The following MAL variants were observed in gnomAD, a reference collection of about 807,000 sequenced individuals.
The protein encoded by MAL is myelin and lymphocyte protein.
Under a neutral mutation model 16.7 loss-of-function variants are expected in MAL, and 5 were observed. The ratio of observed to expected loss-of-function variants is 0.30; its 90% CI spans 0.16 to 0.63. MAL has a LOEUF of 0.63. Among genes scored for constraint, MAL ranks in the 30% least tolerant of loss-of-function variants. The pLI, the probability that MAL is intolerant of heterozygous loss-of-function variation, is 0.82. For missense variants in MAL, 202 were observed against 195.8 expected (o/e 1.03, Z -0.19); for synonymous variants, 96 against 85.5 (o/e 1.12, Z -0.67).
intron 1 of MAL, among the ~76,000 whole-genome samples, chr2:95,042,999 C>A (rs376353761): frequency 1.3e-5 from 2 of 152,236 alleles, no homozygotes; most frequent in African/African-American, 4.8e-5. Flanking sequence ...TTGCACACAG[C>A]GGGGCTGGAG....
intron 2 of MAL, 138 bp from the exon 3 acceptor site, chr2:95,049,443 T>G: frequency 3.6e-6 from 4 of 1,123,836 alleles, no homozygotes; most frequent in Non-Finnish European, 5.1e-6. Context: ...GCATGGGACC[T>G]CCGTGACAAG....
rs989271015 is a variant in MAL at position 95,026,689 on chromosome 2, G to C, written c.93+804G>C. On this transcript the variant is annotated intron_variant, in intron 1 of 3. Transcript: ENST00000309988. ...GCGCTCACGGTGTCGCGAAGCCGAA[G>C]TGACCTCCCTCAGCCTCAACTCCCC... 3.3e-5 allele frequency: 5 copies of C among 152,322 alleles called. No homozygotes were observed. The East Asian group carries it at 9.7e-4, about 29-fold the overall frequency. 9.4% of individuals were successfully genotyped at this position (152,322 alleles called of 1,614,324 possible).
chr2:95,031,692 C>A (rs1369172209), intron 1 of MAL, among the ~76,000 whole-genome samples: 1 of 152,206 alleles, frequency 6.6e-6, no homozygotes, highest in East Asian at 1.9e-4. Flanking sequence ...TGGGGCAGGC[C>A]CCGCTTGGCC....
In MAL at chr2:95,025,734, G is replaced by T. The variant is rs1673915735; in HGVS notation, c.-59G>T. 1 of 1,246,264 alleles carries T rather than the reference G, an allele frequency of 8.0e-7. No homozygotes were observed. The highest frequency in any genetic ancestry group is 1.1e-6 in the Non-Finnish European group (1 of 915,602). 77.2% of individuals were successfully genotyped at this position (1,246,264 alleles called of 1,614,324 possible). A position where few individuals can be genotyped will look rare whatever the true frequency, so the allele number is the denominator to read the frequency against. On this transcript the variant is annotated 5_prime_UTR_variant, in exon 1 of 4. Coordinates refer to ENST00000309988, the MANE Select transcript of MAL (RefSeq NM_002371.4). This position sits in a 1 kb window ranked among gnomAD's most constrained non-coding sequence, Gnocchi z 5.6. Reference sequence around the variant, plus strand: ...CTGGGCTCCGCGGAGCCAGCGAGAGGTCTGCGCGGAGTCTGAGCGGCGCTC... The same window carrying T: ...CTGGGCTCCGCGGAGCCAGCGAGAGTTCTGCGCGGAGTCTGAGCGGCGCTC...
At chr2:95,030,600 C>T (rs116702219) in intron 1 of MAL, among the ~76,000 whole-genome samples, 3,109 of 152,294 alleles carry the variant, frequency 0.02, 53 homozygotes, top group Non-Finnish European at 0.03. Context: ...CCATTCAGGA[C>T]TTGTGAAGGA....
intron 1 of MAL, among the ~76,000 whole-genome samples, chr2:95,028,178 C>T (rs1673991893): frequency 6.8e-6 from 1 of 146,728 alleles, no homozygotes; most frequent in East Asian, 2.0e-4. Context: ...AAAAAAAAAC[C>T]CGGCTTGGGT....
At position 95,048,100 on chromosome 2, in the gene MAL, G is replaced by A. The variant is rs145008901; in HGVS notation, c.235G>A (p.Gly79Ser). ...LIILYIIGAH[G>S]GETSWVTLDA... Reference sequence around the variant, plus strand: ...CATCCTGTACATAATTGGAGCCCACGGTGGAGAGACTTCCTGGGTCACCTT... The same window carrying A: ...CATCCTGTACATAATTGGAGCCCACAGTGGAGAGACTTCCTGGGTCACCTT... Residue 79 changes from glycine (G) to serine (S), a missense_variant, in exon 2 of 4, where the codon GGT becomes AGT. Coordinates refer to ENST00000309988, the MANE Select transcript of MAL (RefSeq NM_002371.4). The A allele has an allele frequency of 4.4e-5, 71 of 1,613,840 alleles. No homozygotes were observed. The African/African-American group carries it at 6.5e-4, about 15-fold the overall frequency.
At position 95,025,956 on chromosome 2, in the gene MAL, C is replaced by T. The variant is rs1291407867; in HGVS notation, c.93+71C>T. 1.5e-6 allele frequency: 2 copies of T among 1,337,980 alleles called. No individual in the cohort carries two copies. The highest frequency in any genetic ancestry group is 3.0e-5 in the African/African-American group (2 of 67,386). The allele number at this position is 1,337,980 out of a possible 1,614,324, so 82.9% of individuals were successfully genotyped here. A position where few individuals can be genotyped will look rare whatever the true frequency, so the allele number is the denominator to read the frequency against. ...GCGCTCTCTCGGGCGCCCAGCACAG[C>T]TGTCGGACGGGATCCGCTAGCTGCG... On this transcript the variant is annotated intron_variant, in intron 1 of 3. Coordinates refer to ENST00000309988, the MANE Select transcript of MAL (RefSeq NM_002371.4). The surrounding 1 kb of genome is among the most constrained non-coding windows in gnomAD (Gnocchi z 5.6).
At chr2:95,039,564 CTGAG>C (rs981890306) in intron 1 of MAL, among the ~76,000 whole-genome samples, 1 of 132,300 alleles carries the variant, frequency 7.6e-6, no homozygotes, top group Non-Finnish European at 1.6e-5. Flanking sequence ...AAGTGAGTGA[CTGAG>C]TGAGTCAGTG....
intron 3 of MAL, among the ~76,000 whole-genome samples, chr2:95,052,010 C>T (rs1217598469): frequency 1.3e-5 from 2 of 152,212 alleles, no homozygotes; most frequent in African/African-American, 2.4e-5. Context: ...TGCCTCACAT[C>T]CACTGTGTGG....
At chr2:95,032,433 C>A (rs1378379270) in intron 1 of MAL, among the ~76,000 whole-genome samples, 1 of 152,308 alleles carries the variant, frequency 6.6e-6, no homozygotes, top group East Asian at 1.9e-4. Context: ...CTGACTTAAG[C>A]CACTCCAGGG....
intron 3 of MAL, among the ~76,000 whole-genome samples, chr2:95,052,427 G>A (rs1365058078): frequency 6.6e-6 from 1 of 152,234 alleles, no homozygotes; most frequent in Non-Finnish European, 1.5e-5. Context: ...TCTCTTAAAT[G>A]TGTTATTCAA....
chr2:95,043,564 G>A (rs1441081006), intron 1 of MAL, among the ~76,000 whole-genome samples: 1 of 152,188 alleles, frequency 6.6e-6, no homozygotes, highest in Non-Finnish European at 1.5e-5. Flanking sequence ...CTGGCAGGGC[G>A]CCTCTGCATT....
chr2:95,053,459 C>T lies in MAL; in HGVS notation c.*4C>T, dbSNP rs751983118. The T allele has an allele frequency of 5.0e-5, 80 of 1,609,928 alleles. No individual in the cohort carries two copies. The Middle Eastern group carries it at 1.3e-3, about 27-fold the overall frequency. ...AATCAGATGGAAGTCTTCATAAAGC[C>T]GCAGTAGAACTTGAGCTGAAAACCC... On this transcript the variant is annotated 3_prime_UTR_variant, in exon 4 of 4. Coordinates refer to ENST00000309988, the MANE Select transcript of MAL (RefSeq NM_002371.4).
intron 1 of MAL, among the ~76,000 whole-genome samples, chr2:95,037,736 CTGAG>C (rs1674276686): frequency 1.1e-5 from 1 of 90,882 alleles, no homozygotes; most frequent in Non-Finnish European, 2.3e-5. Flanking sequence ...CAGTGAGTGA[CTGAG>C]TGGGTGAGTG....
intron 1 of MAL, among the ~76,000 whole-genome samples, chr2:95,045,520 G>GC (rs2104355606): frequency 6.6e-6 from 1 of 152,324 alleles, no homozygotes; most frequent in Non-Finnish European, 1.5e-5. Context: ...CAGGGAAAGC[G>GC]CCATGTTATC....
At chr2:95,027,119 C>T (rs1271229449) in intron 1 of MAL, among the ~76,000 whole-genome samples, 1 of 152,024 alleles carries the variant, frequency 6.6e-6, no homozygotes, top group Admixed American at 6.5e-5. Flanking sequence ...CCCTGGACGC[C>T]AATGAACGCA....
intron 1 of MAL, among the ~76,000 whole-genome samples, chr2:95,042,969 G>T (rs1447069511): frequency 1.3e-5 from 2 of 152,206 alleles, no homozygotes; most frequent in East Asian, 3.9e-4. Context: ...TTGACTCATG[G>T]TTTACAACAA....
chr2:95,027,554 G>C (rs985327674), intron 1 of MAL, among the ~76,000 whole-genome samples: 1 of 152,200 alleles, frequency 6.6e-6, no homozygotes, highest in African/African-American at 2.4e-5. Context: ...TGGGCTCGCA[G>C]GTGCCTGGGA....
Sources: allele counts gnomAD v4.1 joint callset (sites outside exome capture counted in the v4.1 genomes callset), GRCh38; gene constraint gnomAD v4.1.1; non-coding constraint Gnocchi (gnomAD v3.1); transcripts MANE v1.5; gene names NCBI Gene and HGNC (gene_info 2026-07-23, HGNC 2026-07-21).